Variants in DAB1 observed in about 807,000 individuals in gnomAD.
DAB1 encodes disabled homolog 1.
A neutral mutation model predicts 64.6 loss-of-function variants in DAB1; 15 were observed. The observed-to-expected ratio is 0.23, with a 90% CI of 0.16 to 0.36. The LOEUF is 0.36. Ranked by LOEUF, DAB1 falls within the 10% of genes least tolerant of loss-of-function variation. The pLI is 1.00. For missense variants in DAB1, 596 were observed against 706.7 expected, an observed-to-expected ratio of 0.84 and a Z score of 1.78; for synonymous variants, 235 against 251.9, an observed-to-expected ratio of 0.93 and a Z score of 0.64.
intron 5 of DAB1, among the ~76,000 whole-genome samples, chr1:58,069,626 C>T (rs1035659895): frequency 5.9e-5 from 9 of 152,198 alleles, no homozygotes; most frequent in Non-Finnish European, 1.2e-4. Context: ...CTGTCACTGT[C>T]TGTCCCTCAA....
At chr1:57,172,770 T>C (rs1228152847) in intron 2 of DAB1, among the ~76,000 whole-genome samples, 1 of 152,184 alleles carries the variant, frequency 6.6e-6, no homozygotes, top group East Asian at 1.9e-4. Flanking sequence ...GAAGCCATTC[T>C]CAAGGAATCT....
intron 1 of DAB1, among the ~76,000 whole-genome samples, chr1:57,363,577 T>C (rs1471227291): frequency 4.6e-5 from 7 of 152,140 alleles, no homozygotes; most frequent in Non-Finnish European, 7.4e-5. Context: ...CTAAATGAGA[T>C]GATATATGGA....
In DAB1 at chr1:57,159,399, A is replaced by C. The variant is rs187985650; in HGVS notation, c.68-13970T>G. On this transcript the variant is annotated intron_variant, in intron 2 of 14. Coordinates refer to ENST00000371236, the MANE Select transcript of DAB1 (RefSeq NM_001365792.1). ...TGATCATGCCAAATCAGTTAAGGGC[A>C]TGCTTATATCCCTGGTGGTGGTTCC... 2.8e-4 allele frequency among the ~76,000 whole-genome samples: 42 copies of C among 152,294 alleles called. 1 individual carries two copies. In the East Asian group the frequency reaches 7.9e-3, roughly 29 times the overall value.
Position 57,994,721 on chromosome 1 carries a change from G to T in DAB1, n.388-110559C>A, listed in dbSNP as rs538753639. Among the ~76,000 whole-genome samples, 4 of 152,294 alleles carry T rather than the reference G, an allele frequency of 2.6e-5. No individual in the cohort carries two copies. The East Asian group carries it at 5.8e-4, about 22-fold the overall frequency. On this transcript the variant is annotated intron_variant and non_coding_transcript_variant, in intron 5 of 20. Coordinates refer to the DAB1 transcript ENST00000485760. ...CAACACTGGGGGCGGACAGGATGTGGGTAGCGGACTGACTGGTTTGATGAG... is the reference window on the plus strand; with the variant it reads ...CAACACTGGGGGCGGACAGGATGTGTGTAGCGGACTGACTGGTTTGATGAG...
chr1:57,515,243 C>CA (rs1644450419), intron 7 of DAB1, among the ~76,000 whole-genome samples: 1 of 152,184 alleles, frequency 6.6e-6, no homozygotes, highest in South Asian at 2.1e-4. Flanking sequence ...GACACTTAGA[C>CA]ACTGATTATA....
intron 5 of DAB1, among the ~76,000 whole-genome samples, chr1:57,977,022 T>G (rs1251109983): frequency 1.3e-5 from 2 of 152,152 alleles, no homozygotes; most frequent in East Asian, 1.9e-4. Flanking sequence ...GAAATGGAGT[T>G]TGTAACTTTC....
At chr1:58,415,150 C>CCT (rs138058829) in intron 3 of DAB1, among the ~76,000 whole-genome samples, 16 of 150,354 alleles carry the variant, frequency 1.1e-4, no homozygotes, top group Admixed American at 1.1e-3. Flanking sequence ...GATCTGTCCC[C>CCT]CTCTCTCTCT....
intron 7 of DAB1, among the ~76,000 whole-genome samples, chr1:57,599,208 G>A (rs1039167820): frequency 6.0e-5 from 9 of 149,422 alleles, no homozygotes; most frequent in Admixed American, 1.3e-4. Flanking sequence ...TAGGAATGAA[G>A]CTTAATAATT....
At chr1:58,542,474 A>G (rs1020017466) in intron 1 of DAB1, 3 of 152,216 alleles carry the variant, frequency 2.0e-5, no homozygotes, top group African/African-American at 7.2e-5. Context: ...GTTATTAAAT[A>G]CTACATACTG....
At chr1:57,458,486 A>C (rs1686676390) in intron 7 of DAB1, among the ~76,000 whole-genome samples, 1 of 152,102 alleles carries the variant, frequency 6.6e-6, no homozygotes, top group African/African-American at 2.4e-5. Flanking sequence ...TGAGAAAAAA[A>C]AAAAATCGTG....
intron 5 of DAB1, among the ~76,000 whole-genome samples, chr1:58,025,685 A>G (rs1315879563): frequency 2.3e-5 from 3 of 132,962 alleles, no homozygotes; most frequent in African/African-American, 5.7e-5. Context: ...ATATATATAT[A>G]TGGCCTTTAA....
chr1:58,234,881 G>C (rs936715595), intron 4 of DAB1, among the ~76,000 whole-genome samples: 13 of 152,182 alleles, frequency 8.5e-5, no homozygotes, highest in African/African-American at 2.9e-4. Context: ...AGATTCTGTA[G>C]GTACAAGGTC....
At chr1:57,110,564 C>T (rs189334014) in intron 4 of DAB1, among the ~76,000 whole-genome samples, 5 of 152,286 alleles carry the variant, frequency 3.3e-5, no homozygotes, top group South Asian at 2.1e-4. Flanking sequence ...ATTCACTCAA[C>T]GTATTTAGTG....
chr1:57,100,962 C>T (rs1004419699), intron 4 of DAB1, among the ~76,000 whole-genome samples: 2 of 152,128 alleles, frequency 1.3e-5, no homozygotes, highest in Non-Finnish European at 2.9e-5. Flanking sequence ...TTTAATCCTC[C>T]CATCATCGCC....
intron 4 of DAB1, among the ~76,000 whole-genome samples, chr1:58,249,667 A>G (rs968181848): frequency 6.6e-6 from 1 of 152,138 alleles, no homozygotes; most frequent in Admixed American, 6.5e-5. Flanking sequence ...GACGCTGCCC[A>G]GCCAGCCAGA....
intron 7 of DAB1, among the ~76,000 whole-genome samples, chr1:57,614,512 A>C (rs1645765886): frequency 6.6e-6 from 1 of 152,228 alleles, no homozygotes; most frequent in Non-Finnish European, 1.5e-5. Context: ...GAAAAAAATA[A>C]GTTTATTCCT....
intron 8 of DAB1, among the ~76,000 whole-genome samples, chr1:57,064,420 C>T (rs35512026): frequency 0.23 from 34,865 of 151,958 alleles, 4,352 homozygotes; most frequent in Middle Eastern, 0.32. Flanking sequence ...ATGTGCCAGG[C>T]GCTGTTCTAA....
intron 5 of DAB1, among the ~76,000 whole-genome samples, chr1:57,976,858 T>C (rs909583570): frequency 6.6e-6 from 1 of 152,166 alleles, no homozygotes; most frequent in African/African-American, 2.4e-5. Context: ...TCTTGTTGAG[T>C]CTGTCATTAT....
chr1:58,507,275 T>C (rs1282715278), intron 2 of DAB1, among the ~76,000 whole-genome samples: 2 of 151,810 alleles, frequency 1.3e-5, no homozygotes, highest in African/African-American at 4.8e-5. Flanking sequence ...TGATTAAAAC[T>C]AAGAAAAAAT....
Sources: gnomAD v4.1 joint callset for allele counts (sites outside exome capture counted in the v4.1 genomes callset) on GRCh38, gnomAD v4.1.1 for gene constraint, MANE v1.5 for transcripts, NCBI Gene and HGNC (gene_info 2026-07-23, HGNC 2026-07-21) for gene names.